WDR7: variants seen among roughly 807,000 people sequenced by gnomAD.
WDR7 encodes WD repeat-containing protein 7.
WDR7 carries 46 observed loss-of-function variants against 169.4 expected under a neutral mutation model. The ratio of observed to expected loss-of-function variants is 0.27; its 90% CI spans 0.21 to 0.35. WDR7 has a LOEUF of 0.35. Among genes scored for constraint, WDR7 ranks in the 10% least tolerant of loss-of-function variants. The probability of loss-of-function intolerance (pLI) is 1.00; values close to 1 mark genes in which losing one functional copy is unlikely to be tolerated. For missense variants in WDR7, 1,534 were observed against 1,859.3 expected, an observed-to-expected ratio of 0.83 and a Z score of 3.22; for synonymous variants, 612 against 666.8, an observed-to-expected ratio of 0.92 and a Z score of 1.27.
At chr18:56,791,515 T>G (rs375540718) in intron 19 of WDR7, among the ~76,000 whole-genome samples, 1 of 151,626 alleles carries the variant, frequency 6.6e-6, no homozygotes, top group Non-Finnish European at 1.5e-5. Flanking sequence ...TATCTGTTTG[T>G]TTTTTTTCCT....
rs1047256144 is a variant in WDR7 at position 57,024,757 on chromosome 18, T to C, written c.4270-2247T>C. 4.8e-4 allele frequency among the ~76,000 whole-genome samples: 67 copies of C among 140,832 alleles called. 7 individuals are homozygous for C. Among genetic ancestry groups the C allele is most frequent in the African/African-American group, 1.9e-3 (64 of 33,692 alleles). 92.4% of individuals were successfully genotyped at this position (140,832 alleles called of 152,430 possible). ...CTATTCTCAGACAGGAATAGGGATA[T>C]GTGAGCTATGATAGTTATGTCCCTT... On this transcript the variant is annotated intron_variant, in intron 27 of 27. Transcript: ENST00000254442.
intron 17 of WDR7, among the ~76,000 whole-genome samples, chr18:56,777,345 A>G (rs1013592308): frequency 2.0e-5 from 3 of 152,196 alleles, no homozygotes; most frequent in Non-Finnish European, 4.4e-5. Context: ...TATTGGCACC[A>G]GTGATTATAG....
At chr18:56,723,881 CT>C (rs145702811) in intron 13 of WDR7, among the ~76,000 whole-genome samples, 4,939 of 151,674 alleles carry the variant, frequency 0.033, 268 homozygotes, top group African/African-American at 0.11. Context: ...CATTTAAAAA[CT>C]TTTTTTGGTT....
intron 26 of WDR7, among the ~76,000 whole-genome samples, chr18:57,003,403 C>T (rs1204789614): frequency 6.6e-6 from 1 of 151,998 alleles, no homozygotes; most frequent in East Asian, 1.9e-4. Flanking sequence ...TTTTGAACAA[C>T]ATTTAAAAAG....
intron 1 of WDR7, among the ~76,000 whole-genome samples, chr18:56,657,593 A>G (rs1223264276): frequency 6.6e-6 from 1 of 152,272 alleles, no homozygotes; most frequent in Non-Finnish European, 1.5e-5. Context: ...TGGATAGCTC[A>G]GTGAAATTCT....
At chr18:56,681,152 G>C (rs537539939) in intron 3 of WDR7, among the ~76,000 whole-genome samples, 161 bp from the exon 4 acceptor site, 3 of 152,144 alleles carry the variant, frequency 2.0e-5, no homozygotes, top group Non-Finnish European at 4.4e-5. Flanking sequence ...TAGGAGGGTC[G>C]AGGGAGGACT....
chr18:56,689,299 C>T (rs541534138), intron 7 of WDR7, among the ~76,000 whole-genome samples: 41 of 152,242 alleles, frequency 2.7e-4, no homozygotes, highest in Non-Finnish European at 4.7e-4. Context: ...GTCTTGCTGT[C>T]GCCCAGGCTG....
At chr18:56,653,109 TCCTTAAAGTTCATTTTGGA>T (rs1214774235) in intron 1 of WDR7, among the ~76,000 whole-genome samples, 1 of 152,062 alleles carries the variant, frequency 6.6e-6, no homozygotes, top group Non-Finnish European at 1.5e-5. Context: ...GATGTATGAG[TCCTTAAAGTTCATTTTGGA>T]CCTCAGGTGC....
chr18:56,818,528 T>A (rs2045024080), intron 20 of WDR7, among the ~76,000 whole-genome samples: 1 of 152,172 alleles, frequency 6.6e-6, no homozygotes, highest in Admixed American at 6.5e-5. Flanking sequence ...ATGTTCAATA[T>A]CCGAAGAACT....
At chr18:57,023,224 G>T (rs1172660625) in intron 27 of WDR7, among the ~76,000 whole-genome samples, 1 of 152,192 alleles carries the variant, frequency 6.6e-6, no homozygotes, top group Non-Finnish European at 1.5e-5. Context: ...ATCTACTGCT[G>T]CTCTCCCCAA....
intron 12 of WDR7, among the ~76,000 whole-genome samples, chr18:56,704,751 T>A (rs151076135): frequency 8.5e-4 from 129 of 152,326 alleles, no homozygotes; most frequent in African/African-American, 2.5e-3. Flanking sequence ...CCAAACATTT[T>A]AAAAAATTAG....
chr18:56,904,658 C>G (rs570331364), intron 21 of WDR7, among the ~76,000 whole-genome samples: 130 of 152,198 alleles, frequency 8.5e-4, no homozygotes, highest in Middle Eastern at 3.4e-3. Context: ...CACTTTCTTC[C>G]TGACAGAAAG....
At chr18:56,900,403 A>C (rs990977281) in intron 21 of WDR7, among the ~76,000 whole-genome samples, 1 of 152,122 alleles carries the variant, frequency 6.6e-6, no homozygotes, top group Non-Finnish European at 1.5e-5. Context: ...GAGGTAAATC[A>C]GTCAGGAAAT....
chr18:56,665,762 G>T (rs523880), intron 1 of WDR7, among the ~76,000 whole-genome samples: 139,275 of 152,208 alleles, frequency 0.92, 64,876 homozygotes, highest in Non-Finnish European at 1. Context: ...TACTTTCACA[G>T]TTTGAGTTCC....
chr18:56,851,359 T>G (rs2045638470), intron 20 of WDR7, among the ~76,000 whole-genome samples: 1 of 152,116 alleles, frequency 6.6e-6, no homozygotes. Context: ...CACCCAACTA[T>G]CTCCTACTCA....
chr18:56,879,137 C>T (rs767667072), intron 20 of WDR7, among the ~76,000 whole-genome samples: 8 of 152,098 alleles, frequency 5.3e-5, no homozygotes, highest in South Asian at 2.1e-4. Context: ...TTGGGAGATA[C>T]GTTGGAGTGG....
chr18:56,844,301 A>T (rs1370376202), intron 20 of WDR7, among the ~76,000 whole-genome samples: 2 of 152,102 alleles, frequency 1.3e-5, no homozygotes, highest in Non-Finnish European at 2.9e-5. Context: ...ATTATTGACC[A>T]TTACTTTAAC....
intron 20 of WDR7, among the ~76,000 whole-genome samples, chr18:56,822,893 A>G (rs1351616592): frequency 6.6e-6 from 1 of 152,152 alleles, no homozygotes; most frequent in African/African-American, 2.4e-5. Context: ...GAACTATGTC[A>G]TTTCAAATAA....
intron 21 of WDR7, among the ~76,000 whole-genome samples, chr18:56,907,559 G>A (rs2046496338): frequency 1.3e-5 from 2 of 152,142 alleles, no homozygotes; most frequent in African/African-American, 4.8e-5. Flanking sequence ...TGTAAAATAG[G>A]CATGAAGATA....
Sources: allele counts gnomAD v4.1 joint callset (sites outside exome capture counted in the v4.1 genomes callset), GRCh38; gene constraint gnomAD v4.1.1; transcripts MANE v1.5; gene names NCBI Gene and HGNC (gene_info 2026-07-23, HGNC 2026-07-21).